The following RPS6KA2 variants were observed in gnomAD, a reference collection of about 807,000 sequenced individuals.
The protein encoded by RPS6KA2 is ribosomal protein S6 kinase alpha-2.
In RPS6KA2, 42 loss-of-function variants were observed where a neutral mutation model predicts 91.8. The ratio of observed to expected loss-of-function variants is 0.46; its 90% CI spans 0.36 to 0.59. RPS6KA2 has a LOEUF of 0.59. RPS6KA2 is among the 20% of genes least tolerant of loss of function. The pLI is 0.00. For missense variants in RPS6KA2, 798 were observed against 978.5 expected, an observed-to-expected ratio of 0.82 and a Z score of 2.46; for synonymous variants, 414 against 393.6, an observed-to-expected ratio of 1.05 and a Z score of -0.61.
chr6:166,730,785 TATC>T, intron 2 of RPS6KA2, among the ~76,000 whole-genome samples: 1 of 152,354 alleles, frequency 6.6e-6, no homozygotes, highest in Non-Finnish European at 1.5e-5. Flanking sequence ...GTTAAATGGT[TATC>T]ATGTTTATTT....
chr6:166,793,585 G>A (rs887043345), intron 2 of RPS6KA2, among the ~76,000 whole-genome samples: 6 of 149,690 alleles, frequency 4.0e-5, no homozygotes, highest in South Asian at 2.1e-4. Context: ...GAGGCATCAC[G>A]TTACCTGACT....
chr6:166,460,280 C>G (rs139552976), intron 11 of RPS6KA2, among the ~76,000 whole-genome samples: 437 of 152,368 alleles, frequency 2.9e-3, no homozygotes, highest in Non-Finnish European at 4.2e-3. Context: ...GTGCTCCGGT[C>G]TCAGAGCTGC....
chr6:166,412,845 G>C lies in RPS6KA2; in HGVS notation c.2119C>G (p.Gln707Glu). The change falls in exon 21 of 21, where the codon CAG becomes GAG. Residue 707 changes from glutamine to glutamate, a missense_variant. By Grantham distance (29) the Gln-to-Glu change is conservative (BLOSUM62 2). Coordinates refer to ENST00000265678, the MANE Select transcript of RPS6KA2 (RefSeq NM_021135.6). The surrounding 1 kb of genome is among the most constrained non-coding windows in gnomAD (Gnocchi z 4.3). Reference protein sequence around the residue: ...ATYFALNRTPQAPRLEPVLSS... With the variant: ...ATYFALNRTPEAPRLEPVLSS... ...AGCACGGGCTCCAGCCGCGGGGCCT[G>C]AGGTGTTCTGTTTAGAGCAAAGTAG... is the stretch of plus-strand genomic sequence containing the variant. 2 of 1,569,636 alleles carry C rather than the reference G, an allele frequency of 1.3e-6. No individual in the cohort carries two copies. Among genetic ancestry groups the C allele is most frequent in the Non-Finnish European group, 1.7e-6 (2 of 1,157,176 alleles).
chr6:166,776,497 C>T (rs1778623333), intron 2 of RPS6KA2, among the ~76,000 whole-genome samples: 1 of 152,218 alleles, frequency 6.6e-6, no homozygotes, highest in Admixed American at 6.5e-5. Flanking sequence ...GCGTTTAGTG[C>T]ATTCACACTG....
intron 1 of RPS6KA2, among the ~76,000 whole-genome samples, chr6:166,565,654 G>A (rs561882764): frequency 5.9e-5 from 9 of 152,332 alleles, no homozygotes; most frequent in East Asian, 3.9e-4. Flanking sequence ...GACTTGACTC[G>A]GTCTTGGACA....
At chr6:166,831,821 A>G (rs1303351259) in intron 2 of RPS6KA2, among the ~76,000 whole-genome samples, 1 of 151,590 alleles carries the variant, frequency 6.6e-6, no homozygotes, top group African/African-American at 2.4e-5. Context: ...TAGATGATAG[A>G]TAGTAGACAC....
At chr6:166,573,051 T>C (rs1784737418) in intron 1 of RPS6KA2, among the ~76,000 whole-genome samples, 1 of 152,082 alleles carries the variant, frequency 6.6e-6, no homozygotes, top group Admixed American at 6.5e-5. Flanking sequence ...GTGCCTGGGG[T>C]TCCCGGGGTG....
intron 2 of RPS6KA2, among the ~76,000 whole-genome samples, chr6:166,771,204 G>A (rs1246269288): frequency 1.3e-5 from 2 of 152,178 alleles, no homozygotes; most frequent in African/African-American, 4.8e-5. Context: ...TCAACGGAAA[G>A]AAAGTCTCTT....
At chr6:166,709,862 A>G (rs985547393) in intron 2 of RPS6KA2, among the ~76,000 whole-genome samples, 3 of 152,190 alleles carry the variant, frequency 2.0e-5, no homozygotes, top group Non-Finnish European at 4.4e-5. Context: ...TTGACTGATC[A>G]CAGCTGAGAA....
At chr6:166,575,298 C>T (rs1011780295) in intron 1 of RPS6KA2, among the ~76,000 whole-genome samples, 2 of 152,186 alleles carry the variant, frequency 1.3e-5, no homozygotes, top group African/African-American at 4.8e-5. Flanking sequence ...GTGATCCGGG[C>T]TCAGGGAGTA....
rs1171071432 is a variant in RPS6KA2, at chr6:166,494,207, T to C, written c.748-3466A>G. 6.6e-6 allele frequency among the ~76,000 whole-genome samples: 1 copy of C among 152,096 alleles called. No homozygotes were observed. Among genetic ancestry groups the C allele is most frequent in the Non-Finnish European group, 1.5e-5 (1 of 68,008 alleles). The stretch of plus-strand genomic sequence containing the variant: ...GGAGAGCTGTGTTGATCCATGCCCA[T>C]GTGTGGAGGTCCCTGTGTGCACAGA... On this transcript the variant is annotated intron_variant, in intron 8 of 20. Transcript: ENST00000265678. This position sits in a 1 kb window ranked among gnomAD's most constrained non-coding sequence, Gnocchi z 5.1.
intron 12 of RPS6KA2, among the ~76,000 whole-genome samples, chr6:166,454,024 C>T (rs976445264): frequency 3.9e-5 from 6 of 151,950 alleles, no homozygotes; most frequent in East Asian, 1.9e-4. Context: ...ATGTGGATGT[C>T]GAGTGTGGTG....
chr6:166,638,635 G>C (rs888547976), intron 2 of RPS6KA2, among the ~76,000 whole-genome samples: 3 of 152,222 alleles, frequency 2.0e-5, no homozygotes, highest in African/African-American at 4.8e-5. Context: ...TCTACCCGCT[G>C]TTCAGATCCT....
At chr6:166,470,013 G>A (rs1043657579) in intron 10 of RPS6KA2, 108 bp from the exon 11 acceptor site, 7 of 1,001,778 alleles carry the variant, frequency 7.0e-6, no homozygotes, top group Non-Finnish European at 1.1e-5. Flanking sequence ...TGGGGCCGTG[G>A]GAAGGAGCCC....
Position 166,498,515 on chromosome 6 carries a change from AC to A in RPS6KA2, c.739del (p.Val247CysfsTer73). The A allele has an allele frequency of 6.2e-7, 1 of 1,609,352 alleles. No homozygotes were observed. Among genetic ancestry groups the A allele is most frequent in the Non-Finnish European group, 8.5e-7 (1 of 1,178,612 alleles). On this transcript the variant is annotated frameshift_variant, in exon 8 of 21. Coordinates refer to ENST00000265678, the MANE Select transcript of RPS6KA2 (RefSeq NM_021135.6). LOFTEE classifies it high-confidence loss of function. ...TQSADWWSFG[V>X]LMFEMLTGSL... ...GGGTCGGGGCAGGCTCACCATGAGCACGCCGAAGGACCACCAGTCGGCACTC... is the reference window on the plus strand; with the variant it reads ...GGGTCGGGGCAGGCTCACCATGAGCAGCCGAAGGACCACCAGTCGGCACTC...
intron 2 of RPS6KA2, among the ~76,000 whole-genome samples, chr6:166,834,317 T>C (rs1345837586): frequency 6.6e-6 from 1 of 152,050 alleles, no homozygotes. Flanking sequence ...ACACACTCAT[T>C]TGCCGTTCTC....
rs34377390 is a variant in RPS6KA2, at chr6:166,834,830, A to ATTATTTATTTAT, written c.123+23358_123+23369dup. ...GAGTCTTTAGTTTGTATGGCGTCCTATTATTTATTTATTTATTTATTTATT... is the reference window on the plus strand; with the variant it reads ...GAGTCTTTAGTTTGTATGGCGTCCTATTATTTATTTATTTATTTATTTATTTATTTATTTATT... On this transcript the variant is annotated intron_variant, in intron 2 of 21. Coordinates refer to the RPS6KA2 transcript ENST00000503859. 7.6e-5 allele frequency among the ~76,000 whole-genome samples: 5 copies of ATTATTTATTTAT among 65,554 alleles called. No homozygotes were observed. The East Asian group carries it at 1.1e-3, about 15-fold the overall frequency. 43.0% of individuals were successfully genotyped at this position (65,554 alleles called of 152,430 possible).
intron 2 of RPS6KA2, among the ~76,000 whole-genome samples, chr6:166,820,859 A>G (rs966957816): frequency 2.0e-5 from 3 of 152,256 alleles, no homozygotes; most frequent in African/African-American, 7.2e-5. Context: ...TTGTTCAATT[A>G]TAATTAACCA....
chr6:166,505,343 T>C (rs1433741580), intron 5 of RPS6KA2, among the ~76,000 whole-genome samples: 2 of 152,102 alleles, frequency 1.3e-5, no homozygotes, highest in African/African-American at 4.8e-5. Flanking sequence ...AGCCGAAACA[T>C]GCATGAGGCC....
Sources: allele counts gnomAD v4.1 joint callset (sites outside exome capture counted in the v4.1 genomes callset), GRCh38; gene constraint gnomAD v4.1.1; non-coding constraint Gnocchi (gnomAD v3.1); transcripts MANE v1.5; gene names NCBI Gene and HGNC (gene_info 2026-07-23, HGNC 2026-07-21).